SPTLC3: variants seen among roughly 807,000 people sequenced by gnomAD.
SPTLC3 encodes serine palmitoyltransferase long chain base subunit 3, also known as serine palmitoyltransferase 3.
In SPTLC3, 36 loss-of-function variants were observed where a neutral mutation model predicts 59.3. That is an observed-to-expected ratio of 0.61 (90% CI 0.47 to 0.80). SPTLC3 has a LOEUF of 0.80. SPTLC3 is among the 30% of genes least tolerant of loss of function. The pLI is 0.00. For synonymous variants in SPTLC3, 257 were observed against 240.8 expected (o/e 1.07, Z -0.62); for missense variants, 625 against 685.1 (o/e 0.91, Z 0.98).
chr20:13,089,708 C>T, intron 4 of SPTLC3, among the ~76,000 whole-genome samples: 1 of 151,266 alleles, frequency 6.6e-6, no homozygotes, highest in Non-Finnish European at 1.5e-5. Context: ...ATTGATTGAA[C>T]CCGAGAGGCT....
intron 6 of SPTLC3, among the ~76,000 whole-genome samples, chr20:13,099,775 T>C (rs548066682): frequency 4.0e-4 from 61 of 152,344 alleles, no homozygotes; most frequent in Non-Finnish European, 6.6e-4. Flanking sequence ...ACTGCTTTAG[T>C]ATGCAGTGAT....
At chr20:13,034,197 A>G (rs199549237) in intron 1 of SPTLC3, among the ~76,000 whole-genome samples, 2 of 49,660 alleles carry the variant, frequency 4.0e-5, no homozygotes, top group Non-Finnish European at 8.0e-5. Context: ...AAGATAAAAG[A>G]AAAAAAAAAT....
chr20:13,020,235 G>T (rs1355166096), intron 1 of SPTLC3, among the ~76,000 whole-genome samples: 1 of 152,012 alleles, frequency 6.6e-6, no homozygotes, highest in African/African-American at 2.4e-5. Context: ...TTAGAGGGTG[G>T]GTGTGGTGGC....
chr20:13,010,885 T>C (rs997267229), intron 1 of SPTLC3, among the ~76,000 whole-genome samples: 1 of 152,134 alleles, frequency 6.6e-6, no homozygotes, highest in African/African-American at 2.4e-5. Flanking sequence ...ACTTAGACAG[T>C]TATAACCACT....
chr20:13,164,817 T>G lies in SPTLC3; in HGVS notation c.1609T>G (p.Ser537Ala). The G allele has an allele frequency of 6.2e-7, 1 of 1,613,864 alleles. No homozygotes were observed. The highest frequency in any genetic ancestry group is 8.5e-7 in the Non-Finnish European group (1 of 1,179,886). The change falls in exon 12 of 12, where the codon TCA becomes GCA. Residue 537 changes from serine (S) to alanine (A), a missense_variant. Coordinates refer to ENST00000399002, the MANE Select transcript of SPTLC3 (RefSeq NM_018327.4). ...ACTGAAATATTCCCGGCACAAGAAG[T>G]CAGCACGTCCTGAGCTCTATGATGA... The part of the protein sequence containing the change: ...LQLKYSRHKK[S>A]ARPELYDETS...
intron 4 of SPTLC3, among the ~76,000 whole-genome samples, chr20:13,077,230 A>G (rs1440350808): frequency 1.3e-5 from 2 of 151,480 alleles, no homozygotes; most frequent in Non-Finnish European, 1.5e-5. Context: ...GCATTTAATA[A>G]AGGGAAAACT....
intron 9 of SPTLC3, among the ~76,000 whole-genome samples, chr20:13,130,303 C>G (rs1176279827): frequency 6.6e-6 from 1 of 152,186 alleles, no homozygotes; most frequent in African/African-American, 2.4e-5. Context: ...CAAGAGCTGC[C>G]TTACAGGATC....
chr20:13,077,065 GGAGACTT>G lies in SPTLC3; in HGVS notation c.607+2569_607+2575del, dbSNP rs1274972132. Among the ~76,000 whole-genome samples the G allele has an allele frequency of 2.0e-5, 3 of 151,932 alleles. No individual in the cohort carries two copies. The East Asian group carries it at 5.8e-4, about 29-fold the overall frequency. ...GAAAATAGTGGAATACAAAATTAAGGGAGACTTTGACTCCTTTATGGGTCAATTTACA... is the reference window on the plus strand; with the variant it reads ...GAAAATAGTGGAATACAAAATTAAGGTGACTCCTTTATGGGTCAATTTACA... On this transcript the variant is annotated intron_variant, in intron 4 of 11. Transcript: ENST00000399002.
intron 11 of SPTLC3, among the ~76,000 whole-genome samples, chr20:13,163,756 C>A (rs1468114894): frequency 6.6e-6 from 1 of 152,076 alleles, no homozygotes; most frequent in African/African-American, 2.4e-5. Flanking sequence ...ACATTAACAA[C>A]CCTCACCTTA....
intron 9 of SPTLC3, 48 bp from the exon 10 acceptor site, chr20:13,153,955 C>T (rs2038708868): frequency 1.2e-6 from 2 of 1,603,320 alleles, no homozygotes; most frequent in African/African-American, 1.3e-5. Context: ...ACCTTTACTT[C>T]CCTCTTTCTA....
intron 1 of SPTLC3, among the ~76,000 whole-genome samples, chr20:13,016,187 A>G (rs2122368340): frequency 6.6e-6 from 1 of 152,250 alleles, no homozygotes; most frequent in Non-Finnish European, 1.5e-5. Context: ...GAAAGAAGGG[A>G]AGAGAAGTCA....
intron 6 of SPTLC3, among the ~76,000 whole-genome samples, chr20:13,107,983 G>C (rs1409801761): frequency 1.3e-5 from 2 of 152,050 alleles, no homozygotes; most frequent in Admixed American, 6.6e-5. Context: ...AAGTCAAATA[G>C]TGTATTAACA....
In SPTLC3 at chr20:13,166,281, G is replaced by C; in HGVS notation, c.*1414G>C. 6.5e-6 allele frequency: 1 copy of C among 152,720 alleles called. No homozygotes were observed. Among genetic ancestry groups the C allele is most frequent in the East Asian group, 1.9e-4 (1 of 5,178 alleles). The allele number at this position is 152,720 out of a possible 1,614,324, so 9.5% of individuals were successfully genotyped here. A position where few individuals can be genotyped will look rare whatever the true frequency, so the allele number is the denominator to read the frequency against. ...GTGCACTGAGATAGAAACTCCACCC[G>C]CAGCGCCTGCGATGGATGGAGCAGT... On this transcript the variant is annotated 3_prime_UTR_variant, in exon 12 of 12. Coordinates refer to ENST00000399002, the MANE Select transcript of SPTLC3 (RefSeq NM_018327.4).
At chr20:13,015,661 T>C (rs1985490336) in intron 1 of SPTLC3, among the ~76,000 whole-genome samples, 2 of 151,960 alleles carry the variant, frequency 1.3e-5, no homozygotes, top group African/African-American at 4.8e-5. Context: ...ATGTGTAAAA[T>C]TAATAAGGAA....
At chr20:13,108,273 AC>A (rs1421392516) in intron 6 of SPTLC3, among the ~76,000 whole-genome samples, 2 of 152,240 alleles carry the variant, frequency 1.3e-5, no homozygotes, top group Admixed American at 1.3e-4. Flanking sequence ...ACACACACAC[AC>A]AAATATATTC....
intron 4 of SPTLC3, among the ~76,000 whole-genome samples, chr20:13,089,470 C>A (rs1989131294): frequency 6.6e-6 from 1 of 151,162 alleles, no homozygotes. Context: ...AGACTATTGC[C>A]ATTTAAATGT....
chr20:13,129,311 A>C (rs1347915537), intron 9 of SPTLC3, among the ~76,000 whole-genome samples: 1 of 152,138 alleles, frequency 6.6e-6, no homozygotes, highest in Non-Finnish European at 1.5e-5. Context: ...TTAAACAGGT[A>C]TCTTTTAACC....
At chr20:13,033,498 A>G (rs1986594183) in intron 1 of SPTLC3, among the ~76,000 whole-genome samples, 1 of 152,168 alleles carries the variant, frequency 6.6e-6, no homozygotes, top group African/African-American at 2.4e-5. Flanking sequence ...AGCTAGTCAT[A>G]GAAGTAACAC....
rs530147872 is a variant in SPTLC3 at position 13,034,853 on chromosome 20, A to G, written c.118-14092A>G. 1.3e-4 allele frequency among the ~76,000 whole-genome samples: 20 copies of G among 152,288 alleles called. 1 individual carries two copies. Among genetic ancestry groups the G allele is most frequent in the Admixed American group, 1.1e-3 (17 of 15,278 alleles). On this transcript the variant is annotated intron_variant, in intron 1 of 11. Coordinates refer to ENST00000399002, the MANE Select transcript of SPTLC3 (RefSeq NM_018327.4). ...AGAGCTAGAGAAAGAGTTGTCTAGC[A>G]CCTGCAGAGTTGAGGAGTCAAAATC...
Sources: gnomAD v4.1 joint callset for allele counts (sites outside exome capture counted in the v4.1 genomes callset) on GRCh38, gnomAD v4.1.1 for gene constraint, MANE v1.5 for transcripts, NCBI Gene and HGNC (gene_info 2026-07-23, HGNC 2026-07-21) for gene names.